Variants in HLA-DRB1 observed in about 807,000 individuals in gnomAD.
The protein encoded by HLA-DRB1 is major histocompatibility complex, class II, DR beta 1.
A neutral mutation model predicts 27.9 loss-of-function variants in HLA-DRB1; 10 were observed. The ratio of observed to expected loss-of-function variants is 0.36; its 90% CI spans 0.22 to 0.61. The LOEUF (loss-of-function observed/expected upper bound fraction) is 0.61. Among genes scored for constraint, HLA-DRB1 ranks in the 20% least tolerant of loss-of-function variants. The probability of loss-of-function intolerance (pLI) is 0.73; values close to 1 mark genes in which losing one functional copy is unlikely to be tolerated. For synonymous variants in HLA-DRB1, 57 were observed against 126.7 expected (o/e 0.45, Z 3.69); for missense variants, 118 against 306.3 (o/e 0.39, Z 4.59).
intron 1 of HLA-DRB1, among the ~76,000 whole-genome samples, chr6:32,585,551 A>C (rs1440933308): frequency 1.4e-5 from 2 of 139,016 alleles, no homozygotes; most frequent in African/African-American, 5.4e-5. Context: ...CTGATCCTAT[A>C]ACTGCAGCTC....
intron 1 of HLA-DRB1, among the ~76,000 whole-genome samples, chr6:32,586,361 A>G (rs1255802015): frequency 7.6e-5 from 7 of 91,566 alleles, no homozygotes; most frequent in Admixed American, 3.6e-4. Flanking sequence ...ATTGACTGCA[A>G]ATATCGACTC....
intron 1 of HLA-DRB1, 134 bp from the exon 2 acceptor site, chr6:32,584,512 C>G: frequency 1.6e-6 from 1 of 608,200 alleles, no homozygotes; most frequent in South Asian, 1.9e-5. Context: ...ACGCCCACCA[C>G]CTGCAGCCCA....
intron 2 of HLA-DRB1, among the ~76,000 whole-genome samples, chr6:32,582,270 G>A (rs9269832): frequency 0.16 from 16,256 of 102,964 alleles, no homozygotes; most frequent in East Asian, 0.22. Flanking sequence ...ACCTCTTGGG[G>A]TTATATGAGG....
chr6:32,579,869 C>T lies in HLA-DRB1; in HGVS notation c.787+378G>A, dbSNP rs1775201911. Reference sequence around the variant, plus strand: ...CTGTAATCCCAGCACTTTGGGAGGCCGAGGCGGGCGGATCACGAGGTCAGG... The same window carrying T: ...CTGTAATCCCAGCACTTTGGGAGGCTGAGGCGGGCGGATCACGAGGTCAGG... On this transcript the variant is annotated intron_variant, in intron 5 of 5. Transcript: ENST00000360004. 5.4e-5 allele frequency among the ~76,000 whole-genome samples: 2 copies of T among 36,920 alleles called. 1 individual carries two copies. Among genetic ancestry groups the T allele is most frequent in the Non-Finnish European group, 1.1e-4 (2 of 18,162 alleles). The allele number at this position is 36,920 out of a possible 152,430, so 24.2% of individuals were successfully genotyped here.
intron 2 of HLA-DRB1, among the ~76,000 whole-genome samples, chr6:32,582,361 C>T (rs34911847): frequency 0.052 from 5,891 of 112,972 alleles, no homozygotes; most frequent in Admixed American, 0.09. Flanking sequence ...CACTCCATTC[C>T]ACTGTGAGGG....
rs1581776890 is a variant in HLA-DRB1, at chr6:32,582,644, G to T, written c.371-806C>A. On this transcript the variant is annotated intron_variant, in intron 2 of 5. Coordinates refer to ENST00000360004, the Ensembl canonical transcript of HLA-DRB1. ...GCATGAGTCCTGAAGCAGAGAGAAG[G>T]ATTAGGGAACGTCATTTAAGTTTTG... Among the ~76,000 whole-genome samples the T allele has an allele frequency of 3.0e-5, 3 of 100,238 alleles. No homozygotes were observed. The South Asian group carries it at 1.0e-3, about 34-fold the overall frequency. 65.8% of individuals were successfully genotyped at this position (100,238 alleles called of 152,430 possible).
intron 1 of HLA-DRB1, among the ~76,000 whole-genome samples, chr6:32,585,416 C>G (rs36024033): frequency 0.13 from 14,599 of 113,044 alleles, 2,149 homozygotes; most frequent in Non-Finnish European, 0.14. Context: ...TTTTTGTAAT[C>G]TATCAAATGC....
chr6:32,587,033 AC>A lies in HLA-DRB1; in HGVS notation c.100+2609del, dbSNP rs1219414684. ...GCTGTGCTCCTAAATAGTCTTCCTA[AC>A]CACTAGTGAACCCCAACAATCCAAT... On this transcript the variant is annotated intron_variant, in intron 1 of 5. Transcript: ENST00000360004. 2.7e-5 allele frequency among the ~76,000 whole-genome samples: 2 copies of A among 75,286 alleles called. 1 individual carries two copies. Among genetic ancestry groups the A allele is most frequent in the Non-Finnish European group, 5.4e-5 (2 of 36,928 alleles). The allele number at this position is 75,286 out of a possible 152,430, so 49.4% of individuals were successfully genotyped here.
At chr6:32,579,318 C>T (rs1775149429) in intron 5 of HLA-DRB1, among the ~76,000 whole-genome samples, 1 of 87,342 alleles carries the variant, frequency 1.1e-5, no homozygotes, top group South Asian at 3.9e-4. Flanking sequence ...GATCCAAAGT[C>T]TTTCCTATTA....
chr6:32,586,993 C>G (rs9270106), intron 1 of HLA-DRB1, among the ~76,000 whole-genome samples: 3,851 of 67,642 alleles, frequency 0.057, 9 homozygotes, highest in East Asian at 0.081. Flanking sequence ...ACCTGTTTTC[C>G]CTGAAGAATT....
chr6:32,582,329 T>G (rs115403000), intron 2 of HLA-DRB1, among the ~76,000 whole-genome samples: 6 of 126,582 alleles, frequency 4.7e-5, no homozygotes, highest in African/African-American at 9.7e-5. Flanking sequence ...TAGCCTTCAG[T>G]TTATGAGGTC....
chr6:32,582,654 C>T (rs36101847), intron 2 of HLA-DRB1, among the ~76,000 whole-genome samples: 21,955 of 72,826 alleles, frequency 0.3, 4,878 homozygotes, highest in Admixed American at 0.34. Flanking sequence ...GATTAGGGAA[C>T]GTCATTTAAG....
In HLA-DRB1 at chr6:32,580,594, G is replaced by T. The variant is rs754916538; in HGVS notation, c.763+152C>A. On this transcript the variant is annotated intron_variant, in intron 4 of 5. Transcript: ENST00000360004. ...TGCTTTCACATAGTAACCATGCACTGATGATTTCTGGATTAGCAGGACATT... is the reference window on the plus strand; with the variant it reads ...TGCTTTCACATAGTAACCATGCACTTATGATTTCTGGATTAGCAGGACATT... Among the ~76,000 whole-genome samples, 2 of 131,148 alleles carry T rather than the reference G, an allele frequency of 1.5e-5. 1 individual carries two copies. The highest frequency in any genetic ancestry group is 3.4e-5 in the Non-Finnish European group (2 of 58,856). The allele number at this position is 131,148 out of a possible 152,430, so 86.0% of individuals were successfully genotyped here. A position where few individuals can be genotyped will look rare whatever the true frequency, so the allele number is the denominator to read the frequency against.
At chr6:32,582,366 T>A (rs1454184418) in intron 2 of HLA-DRB1, among the ~76,000 whole-genome samples, 2 of 121,052 alleles carry the variant, frequency 1.7e-5, no homozygotes, top group Non-Finnish European at 3.4e-5. Flanking sequence ...CATTCCACTG[T>A]GAGGGCACTC....
At chr6:32,588,071 C>T (rs34537303) in intron 1 of HLA-DRB1, among the ~76,000 whole-genome samples, 2 of 115,148 alleles carry the variant, frequency 1.7e-5, no homozygotes, top group Admixed American at 8.6e-5. Flanking sequence ...TAAATACAGG[C>T]AAACTTCTTT....
Position 32,589,284 on chromosome 6 carries a change from A to G in HLA-DRB1, c.100+359T>C, listed in dbSNP as rs1421168951. Reference sequence around the variant, plus strand: ...TGACTCCCACAAAATTTTCAGTAAGAACCTCCTTTTGTCTGACATAAGTCA... The same window carrying G: ...TGACTCCCACAAAATTTTCAGTAAGGACCTCCTTTTGTCTGACATAAGTCA... On this transcript the variant is annotated intron_variant, in intron 1 of 5. Coordinates refer to ENST00000360004, the Ensembl canonical transcript of HLA-DRB1. Among the ~76,000 whole-genome samples, 38 of 146,488 alleles carry G rather than the reference A, an allele frequency of 2.6e-4. 1 individual carries two copies. Among genetic ancestry groups the G allele is most frequent in the African/African-American group, 8.9e-4 (35 of 39,410 alleles).
chr6:32,588,889 TA>T (rs373061727), intron 1 of HLA-DRB1, among the ~76,000 whole-genome samples: 47,798 of 118,974 alleles, frequency 0.4, 10,132 homozygotes, highest in Middle Eastern at 0.57. Flanking sequence ...ACAGAAAGGT[TA>T]AAAAAGATTC....
At chr6:32,579,171 C>G (rs41287215) in intron 5 of HLA-DRB1, 67 bp from the exon 6 acceptor site, 82,119 of 430,836 alleles carry the variant, frequency 0.19, 17,756 homozygotes, top group African/African-American at 0.43. Context: ...TCCCCTCTTT[C>G]AAGGGCTCAG....
rs149941420 is a variant in HLA-DRB1, at chr6:32,588,677, T to G, written c.100+966A>C. Among the ~76,000 whole-genome samples the G allele has an allele frequency of 1.5e-3, 93 of 61,680 alleles. 2 individuals carry two copies. Among genetic ancestry groups the G allele is most frequent in the Admixed American group, 2.4e-3 (12 of 5,026 alleles). The allele number at this position is 61,680 out of a possible 152,430, so 40.5% of individuals were successfully genotyped here. ...ACAATGAGTTCCCAAGACTTGCCCATTGACTTTCAGCCCTATGAGACGTGA... is the reference window on the plus strand; with the variant it reads ...ACAATGAGTTCCCAAGACTTGCCCAGTGACTTTCAGCCCTATGAGACGTGA... On this transcript the variant is annotated intron_variant, in intron 1 of 5. Transcript: ENST00000360004.
Sources: gnomAD v4.1 joint callset for allele counts (sites outside exome capture counted in the v4.1 genomes callset) on GRCh38, gnomAD v4.1.1 for gene constraint, MANE v1.5 for transcripts, NCBI Gene and HGNC (gene_info 2026-07-23, HGNC 2026-07-21) for gene names.